MALRD1: variants seen among roughly 807,000 people sequenced by gnomAD.
The protein encoded by MALRD1 is MAM and LDL-receptor class A domain-containing protein 1.
A neutral mutation model predicts 242.1 loss-of-function variants in MALRD1; 247 were observed. The observed-to-expected ratio is 1.02, with a 90% CI of 0.92 to 1.13. The LOEUF (loss-of-function observed/expected upper bound fraction) is 1.13. MALRD1 is among the 50% of genes most tolerant of loss of function. The probability of loss-of-function intolerance (pLI) is 0.00; values close to 1 mark genes in which losing one functional copy is unlikely to be tolerated. For synonymous variants in MALRD1, 995 were observed against 866.6 expected (o/e 1.15, Z -2.60); for missense variants, 2,989 against 2,533.1 (o/e 1.18, Z -3.86).
At chr10:19,320,548 T>C (rs1288778829) in intron 21 of MALRD1, among the ~76,000 whole-genome samples, 1 of 152,218 alleles carries the variant, frequency 6.6e-6, no homozygotes, top group African/African-American at 2.4e-5. Context: ...CATGTGTCTT[T>C]ATAGTAGAAT....
chr10:19,717,850 C>G (rs57516347), intron 38 of MALRD1, among the ~76,000 whole-genome samples: 1 of 151,870 alleles, frequency 6.6e-6, no homozygotes, highest in Non-Finnish European at 1.5e-5. Context: ...AACCCTGTTT[C>G]TACTAAAAAT....
rs576747780 is a variant in MALRD1 at position 19,316,079 on chromosome 10, C to A, written c.3420-7870C>A. On this transcript the variant is annotated intron_variant, in intron 21 of 39. Coordinates refer to ENST00000454679, the MANE Select transcript of MALRD1 (RefSeq NM_001142308.3). The stretch of plus-strand genomic sequence containing the variant: ...ACTATTAAACTCCTTAGTAAATTTA[C>A]GTAATTTACTAAGGAAACTCCTTAG... Among the ~76,000 whole-genome samples, 552 of 149,856 alleles carry A rather than the reference C, an allele frequency of 3.7e-3. 4 individuals carry two copies. Among genetic ancestry groups the A allele is most frequent in the Admixed American group, 7.5e-3 (112 of 14,936 alleles).
Position 19,686,653 on chromosome 10 carries a change from T to C in MALRD1, c.6138-5629T>C, listed in dbSNP as rs74119729. Among the ~76,000 whole-genome samples the C allele has an allele frequency of 3.5e-3, 526 of 152,278 alleles. 6 individuals are homozygous for C. The highest frequency in any genetic ancestry group is 0.012 in the African/African-American group (515 of 41,560). On this transcript the variant is annotated intron_variant, in intron 36 of 39. Transcript: ENST00000454679. ...CAACTGCCTAACCATCACCTGATGG[T>C]CACCTGGCATTTCTGGTGGAGGGGT...
chr10:19,636,183 C>T (rs1840117491), intron 36 of MALRD1, among the ~76,000 whole-genome samples: 1 of 152,086 alleles, frequency 6.6e-6, no homozygotes, highest in South Asian at 2.1e-4. Flanking sequence ...TATCAGAAGA[C>T]AACAGAAAGA....
In MALRD1 at chr10:19,680,567, C is replaced by T. The variant is rs146317141; in HGVS notation, c.6138-11715C>T. On this transcript the variant is annotated intron_variant, in intron 36 of 39. Coordinates refer to ENST00000454679, the MANE Select transcript of MALRD1 (RefSeq NM_001142308.3). The stretch of plus-strand genomic sequence containing the variant: ...GATGGATCTCTTGAATGCAGCACAC[C>T]GATGGGTCTTGACTCTGTATCCATC... Among the ~76,000 whole-genome samples, 1,006 of 152,092 alleles carry T rather than the reference C, an allele frequency of 6.6e-3. 7 individuals carry two copies. Among genetic ancestry groups the T allele is most frequent in the African/African-American group, 0.021 (862 of 41,490 alleles).
chr10:19,505,524 T>G (rs1833082617), intron 31 of MALRD1, among the ~76,000 whole-genome samples: 1 of 152,190 alleles, frequency 6.6e-6, no homozygotes, highest in Admixed American at 6.5e-5. Flanking sequence ...TCCTGGCACC[T>G]TGGTCTTGGA....
intron 36 of MALRD1, among the ~76,000 whole-genome samples, chr10:19,677,783 G>T (rs141804990): frequency 1.2e-4 from 18 of 152,250 alleles, no homozygotes; most frequent in African/African-American, 4.3e-4. Flanking sequence ...TTTTCTTCTA[G>T]GGTTTTTATA....
intron 33 of MALRD1, among the ~76,000 whole-genome samples, chr10:19,585,252 A>C (rs1487200871): frequency 1.3e-5 from 2 of 150,988 alleles, no homozygotes; most frequent in Non-Finnish European, 2.9e-5. Context: ...TTATGTGTGA[A>C]TTTGATCCTG....
At chr10:19,436,833 A>G (rs1305627070) in intron 28 of MALRD1, among the ~76,000 whole-genome samples, 1 of 152,164 alleles carries the variant, frequency 6.6e-6, no homozygotes, top group African/African-American at 2.4e-5. Context: ...AGTTTTGACA[A>G]ATGCTTAGTA....
chr10:19,148,788 A>AAAT (rs1206724666), intron 11 of MALRD1, among the ~76,000 whole-genome samples: 1,140 of 88,004 alleles, frequency 0.013, 20 homozygotes, highest in African/African-American at 0.033. Context: ...AAAAAAAAAA[A>AAAT]ATATATATAT....
chr10:19,571,602 A>C (rs931170029), intron 33 of MALRD1, among the ~76,000 whole-genome samples: 3 of 152,166 alleles, frequency 2.0e-5, no homozygotes, highest in Admixed American at 6.5e-5. Context: ...TTTCCAATGA[A>C]ATATAGTTGT....
chr10:19,295,028 C>T (rs16918475), intron 21 of MALRD1, among the ~76,000 whole-genome samples: 6,141 of 151,868 alleles, frequency 0.04, 202 homozygotes, highest in African/African-American at 0.091. Flanking sequence ...CAAGAGTATT[C>T]CATTAAGTGA....
intron 29 of MALRD1, chr10:19,488,966 CGGA>C (rs899281495): frequency 2.3e-6 from 1 of 430,526 alleles, no homozygotes. Context: ...TTAGCGGGGG[CGGA>C]GGAGAAGGCG....
In MALRD1 at chr10:19,217,442, C is replaced by CA. The variant is rs528999810; in HGVS notation, c.2991+7762_2991+7763insA. Among the ~76,000 whole-genome samples, 415 of 151,966 alleles carry CA rather than the reference C, an allele frequency of 2.7e-3. 1 individual carries two copies. The highest frequency in any genetic ancestry group is 9.7e-3 in the African/African-American group (403 of 41,460). The stretch of plus-strand genomic sequence containing the variant: ...TTAGTTTTTTACTTCACTTTCTTTT[C>CA]CTGAAGCTTATACTCACTGCTCCAT... On this transcript the variant is annotated intron_variant, in intron 18 of 39. Coordinates refer to ENST00000454679, the MANE Select transcript of MALRD1 (RefSeq NM_001142308.3).
intron 5 of MALRD1, among the ~76,000 whole-genome samples, chr10:19,120,900 C>T (rs1240769296): frequency 6.6e-6 from 1 of 152,150 alleles, no homozygotes; most frequent in Non-Finnish European, 1.5e-5. Flanking sequence ...TGCAACACCA[C>T]ACCTGGCTAA....
At chr10:19,406,361 A>G (rs1336526414) in intron 28 of MALRD1, among the ~76,000 whole-genome samples, 1 of 152,172 alleles carries the variant, frequency 6.6e-6, no homozygotes, top group Non-Finnish European at 1.5e-5. Flanking sequence ...AGGAGTTTTC[A>G]TTGTATTTCC....
rs539824126 is a variant in MALRD1 at position 19,241,034 on chromosome 10, G to A, written c.2992-16650G>A. Among the ~76,000 whole-genome samples, 182 of 152,122 alleles carry A rather than the reference G, an allele frequency of 1.2e-3. 1 individual carries two copies. Among genetic ancestry groups the A allele is most frequent in the Admixed American group, 1.3e-3 (20 of 15,248 alleles). The stretch of plus-strand genomic sequence containing the variant: ...TTGGCCTGTTATTTTCATTTTGTGC[G>A]TGTCTTTGTCTGGTTTTAGAATCAA... On this transcript the variant is annotated intron_variant, in intron 18 of 39. Transcript: ENST00000454679.
Position 19,283,050 on chromosome 10 carries a change from C to G in MALRD1, c.3288C>G (p.Ser1096Arg), listed in dbSNP as rs1840896030. 1.9e-5 allele frequency: 30 copies of G among 1,547,726 alleles called. No individual in the cohort carries two copies. Among genetic ancestry groups the G allele is most frequent in the Non-Finnish European group, 2.4e-5 (28 of 1,145,358 alleles). ...VMEVCSFEKR[S>R]LCKWYQPIPV... ...AAGTTTGCAGCTTTGAGAAAAGAAG[C>G]CTGTGTAAATGGTATCAACCAATCC... Residue 1096 changes from serine (S) to arginine (R), a missense_variant, in exon 21 of 40, where the codon AGC becomes AGG. Physicochemically the swap from Ser to Arg is moderately radical, Grantham distance 110 (BLOSUM62 -1). Coordinates refer to ENST00000454679, the MANE Select transcript of MALRD1 (RefSeq NM_001142308.3).
In MALRD1 at chr10:19,274,226, T is replaced by C. The variant is rs530520746; in HGVS notation, c.3080-5821T>C. Among the ~76,000 whole-genome samples, 11 of 152,284 alleles carry C rather than the reference T, an allele frequency of 7.2e-5. No homozygotes were observed. The East Asian group carries it at 1.9e-3, about 27-fold the overall frequency. On this transcript the variant is annotated intron_variant, in intron 19 of 39. Coordinates refer to ENST00000454679, the MANE Select transcript of MALRD1 (RefSeq NM_001142308.3). Reference sequence around the variant, plus strand: ...TAGCTAAGAGGTAGAATAACCCAAATGTCTATTAACAGATGATTGGATAAA... The same window carrying C: ...TAGCTAAGAGGTAGAATAACCCAAACGTCTATTAACAGATGATTGGATAAA...
Sources: gnomAD v4.1 joint callset for allele counts (sites outside exome capture counted in the v4.1 genomes callset) on GRCh38, gnomAD v4.1.1 for gene constraint, MANE v1.5 for transcripts, NCBI Gene and HGNC (gene_info 2026-07-23, HGNC 2026-07-21) for gene names.